The following ANKRD30B variants were observed in gnomAD, a reference collection of about 807,000 sequenced individuals.
ANKRD30B encodes ankyrin repeat domain-containing protein 30B.
Under a neutral mutation model 202.2 loss-of-function variants are expected in ANKRD30B, and 144 were observed. That is an observed-to-expected ratio of 0.71 (90% CI 0.62 to 0.82). The LOEUF is 0.82. Among genes scored for constraint, ANKRD30B ranks in the 40% least tolerant of loss-of-function variants. The probability of loss-of-function intolerance (pLI) is 0.00; values close to 1 mark genes in which losing one functional copy is unlikely to be tolerated. For synonymous variants in ANKRD30B, 508 were observed against 561.3 expected (o/e 0.91, Z 1.34); for missense variants, 1,487 against 1,669.1 (o/e 0.89, Z 1.90).
At chr18:14,841,074 T>A (rs1971400300) in intron 37 of ANKRD30B, among the ~76,000 whole-genome samples, 1 of 152,152 alleles carries the variant, frequency 6.6e-6, no homozygotes, top group East Asian at 1.9e-4. Flanking sequence ...TGACCTCCCA[T>A]TACCAAAATT....
the ANKRD30B span, chr18:14,889,873 T>A: frequency 2.3e-6 from 1 of 438,766 alleles, no homozygotes; most frequent in East Asian, 3.6e-5. Context: ...TTTAATAAAA[T>A]CATTATATTA....
chr18:14,853,680 T>C (rs1033284707), intron 42 of ANKRD30B, among the ~76,000 whole-genome samples, 129 bp from the exon 43 acceptor site: 2 of 152,112 alleles, frequency 1.3e-5, no homozygotes, highest in African/African-American at 4.8e-5. Context: ...CTTAAGTAAA[T>C]TCACTAACAA....
At chr18:14,929,170 A>C in the ANKRD30B span, among the ~76,000 whole-genome samples, 2 of 152,168 alleles carry the variant, frequency 1.3e-5, no homozygotes, top group African/African-American at 4.8e-5. Context: ...CTTGTTTCTT[A>C]GAGGAGTCGT....
chr18:14,865,518 C>A, the ANKRD30B span, among the ~76,000 whole-genome samples: 823 of 151,906 alleles, frequency 5.4e-3, 4 homozygotes, highest in African/African-American at 0.019. Context: ...TCTCTTACCC[C>A]CTTCCATCTA....
At chr18:14,768,783 T>C (rs906388973) in intron 7 of ANKRD30B, among the ~76,000 whole-genome samples, 16 of 152,178 alleles carry the variant, frequency 1.1e-4, no homozygotes, top group African/African-American at 3.4e-4. Context: ...TTTCTAGAAA[T>C]TATACTTTCT....
At chr18:14,923,060 A>G in the ANKRD30B span, among the ~76,000 whole-genome samples, 5 of 152,216 alleles carry the variant, frequency 3.3e-5, no homozygotes, top group Admixed American at 3.3e-4. Flanking sequence ...GGCAGGATTC[A>G]TCACCTGCCG....
rs758145822 is a variant in ANKRD30B, at chr18:14,810,206, T to A, written c.2488+26T>A. 3.2e-6 allele frequency: 4 copies of A among 1,268,514 alleles called. No individual in the cohort carries two copies. The South Asian group carries it at 5.6e-5, about 18-fold the overall frequency. The allele number at this position is 1,268,514 out of a possible 1,614,324, so 78.6% of individuals were successfully genotyped here. ...GTAAACTTTGTAATTTAAATTTTAC[T>A]CTGGAATTAAGAATATTAAACTATT... On this transcript the variant is annotated intron_variant, in intron 28 of 43. Coordinates refer to ENST00000690538, the MANE Select transcript of ANKRD30B (RefSeq NM_001367607.2).
chr18:14,903,690 G>GCATTCAAAAT, the ANKRD30B span: 1 of 152,182 alleles, frequency 6.6e-6, no homozygotes, highest in African/African-American at 2.4e-5. Context: ...GTTACATCAG[G>GCATTCAAAAT]GACCACTATT....
intron 34 of ANKRD30B, 42 bp from the exon 35 acceptor site, chr18:14,837,169 G>GTTTT: frequency 7.9e-7 from 1 of 1,259,104 alleles, no homozygotes; most frequent in Non-Finnish European, 1.1e-6. Flanking sequence ...TTTTTCTGAA[G>GTTTT]TTTTTTTTTT....
chr18:14,927,426 G>T, the ANKRD30B span, among the ~76,000 whole-genome samples: 1 of 152,072 alleles, frequency 6.6e-6, no homozygotes. Flanking sequence ...CTGTAGGGTT[G>T]CATCCTGCAC....
intron 6 of ANKRD30B, among the ~76,000 whole-genome samples, 173 bp downstream of exon 6, chr18:14,760,791 T>A (rs1915139667): frequency 6.6e-6 from 1 of 152,154 alleles, no homozygotes; most frequent in African/African-American, 2.4e-5. Context: ...ATTTATTTTT[T>A]AAATTTATTA....
the ANKRD30B span, among the ~76,000 whole-genome samples, chr18:14,895,584 G>A: frequency 6.6e-6 from 1 of 152,138 alleles, no homozygotes; most frequent in Non-Finnish European, 1.5e-5. Context: ...ACTATTTATA[G>A]AAGCTTTATT....
At chr18:14,805,947 G>C (rs1170473247) in intron 24 of ANKRD30B, among the ~76,000 whole-genome samples, 1 of 150,276 alleles carries the variant, frequency 6.7e-6, no homozygotes, top group Non-Finnish European at 1.5e-5. Flanking sequence ...CAGGCCAGGC[G>C]TGGTGACTCA....
the ANKRD30B span, among the ~76,000 whole-genome samples, chr18:14,868,646 T>C: frequency 6.6e-6 from 1 of 152,268 alleles, no homozygotes; most frequent in Non-Finnish European, 1.5e-5. Flanking sequence ...TAGTTTCCCC[T>C]GTGGAAGAGG....
At chr18:14,762,960 T>C (rs1010830786) in intron 6 of ANKRD30B, among the ~76,000 whole-genome samples, 2 of 152,178 alleles carry the variant, frequency 1.3e-5, no homozygotes, top group Non-Finnish European at 2.9e-5. Flanking sequence ...TCCTTAAAAA[T>C]GTTTTTTATT....
chr18:14,774,084 A>T (rs1486554475), intron 9 of ANKRD30B, among the ~76,000 whole-genome samples: 3 of 152,192 alleles, frequency 2.0e-5, no homozygotes, highest in Non-Finnish European at 4.4e-5. Context: ...TGTAGTAAGA[A>T]TGTTCCCGCT....
rs9675421 is a variant in ANKRD30B at position 14,760,647 on chromosome 18, G to T, written c.820+29G>T. 3.0e-3 allele frequency: 4,354 copies of T among 1,449,822 alleles called. 103 individuals are homozygous for T. The African/African-American group carries it at 0.051, about 17-fold the overall frequency. 89.8% of individuals were successfully genotyped at this position (1,449,822 alleles called of 1,614,324 possible). On this transcript the variant is annotated intron_variant, in intron 6 of 43. Transcript: ENST00000690538. ...AGACTTCGGATAGCAAACTACTCTT[G>T]ATGGTGCTACCATAAGATTAGGGAA...
intron 32 of ANKRD30B, among the ~76,000 whole-genome samples, chr18:14,825,691 T>C (rs1278432381): frequency 6.6e-6 from 1 of 152,076 alleles, no homozygotes; most frequent in Non-Finnish European, 1.5e-5. Context: ...AACCACTTTG[T>C]CCGATCCCCT....
At chr18:14,845,764 A>T (rs1477999546) in intron 39 of ANKRD30B, among the ~76,000 whole-genome samples, 1 of 152,182 alleles carries the variant, frequency 6.6e-6, no homozygotes, top group Admixed American at 6.5e-5. Flanking sequence ...ACAGTTCAAG[A>T]TCAAGTTATC....
Sources: gnomAD v4.1 joint callset for allele counts (sites outside exome capture counted in the v4.1 genomes callset) on GRCh38, gnomAD v4.1.1 for gene constraint, MANE v1.5 for transcripts, NCBI Gene and HGNC (gene_info 2026-07-23, HGNC 2026-07-21) for gene names.